The following ZFPM2 variants were observed in gnomAD, a reference collection of about 807,000 sequenced individuals.
The protein encoded by ZFPM2 is zinc finger protein ZFPM2.
ZFPM2 carries 20 observed loss-of-function variants against 98.6 expected under a neutral mutation model. The observed-to-expected ratio is 0.20, with a 90% confidence interval of 0.14 to 0.29. ZFPM2 has a LOEUF of 0.29. ZFPM2 is among the 10% of genes least tolerant of loss of function. The probability of loss-of-function intolerance (pLI) is 1.00; values close to 1 mark genes in which losing one functional copy is unlikely to be tolerated. For synonymous variants in ZFPM2, 518 were observed against 502.7 expected, an observed-to-expected ratio of 1.03 and a Z score of -0.41; for missense variants, 1,310 against 1,388.6, an observed-to-expected ratio of 0.94 and a Z score of 0.90.
intron 3 of ZFPM2, among the ~76,000 whole-genome samples, chr8:105,512,759 A>G (rs1422617508): frequency 6.6e-6 from 1 of 152,216 alleles, no homozygotes; most frequent in Non-Finnish European, 1.5e-5. Flanking sequence ...TGGTCAAATA[A>G]CTGTATCTTT....
At chr8:105,408,922 G>T (rs1811521414) in intron 1 of ZFPM2, among the ~76,000 whole-genome samples, 1 of 151,862 alleles carries the variant, frequency 6.6e-6, no homozygotes, top group Non-Finnish European at 1.5e-5. Flanking sequence ...CACGTATGTG[G>T]GTTAACAATG....
chr8:105,498,195 C>G (rs1825073), intron 3 of ZFPM2, among the ~76,000 whole-genome samples: 6,828 of 151,994 alleles, frequency 0.045, 531 homozygotes, highest in African/African-American at 0.16. Flanking sequence ...GACCCCATCT[C>G]CAAAACAAGA....
At chr8:105,740,030 G>T (rs1812176772) in intron 5 of ZFPM2, among the ~76,000 whole-genome samples, 3 of 151,868 alleles carry the variant, frequency 2.0e-5, no homozygotes, top group Non-Finnish European at 2.9e-5. Flanking sequence ...TCAGGCTAAT[G>T]GGACTTAGGA....
intron 3 of ZFPM2, among the ~76,000 whole-genome samples, chr8:105,462,447 G>C (rs1477143973): frequency 6.6e-6 from 1 of 152,120 alleles, no homozygotes; most frequent in Admixed American, 6.6e-5. Context: ...AGAGACTAAG[G>C]TTACAAGTCA....
chr8:105,471,766 G>A (rs969264140), intron 3 of ZFPM2, among the ~76,000 whole-genome samples: 7 of 152,046 alleles, frequency 4.6e-5, no homozygotes, highest in African/African-American at 1.7e-4. Context: ...TCCATTTATT[G>A]CTAAGAATTT....
intron 5 of ZFPM2, among the ~76,000 whole-genome samples, chr8:105,736,069 TTAA>T (rs1351975690): frequency 6.6e-6 from 1 of 152,028 alleles, no homozygotes; most frequent in African/African-American, 2.4e-5. Context: ...TGCGATAGTA[TTAA>T]TGTTTAAACA....
chr8:105,585,398 A>C (rs1448445939), intron 4 of ZFPM2, among the ~76,000 whole-genome samples: 1 of 152,174 alleles, frequency 6.6e-6, no homozygotes, highest in African/African-American at 2.4e-5. Context: ...TCCCTGAATC[A>C]CTTCAACCTT....
intron 3 of ZFPM2, among the ~76,000 whole-genome samples, chr8:105,512,387 A>G (rs1813835583): frequency 6.6e-6 from 1 of 152,230 alleles, no homozygotes; most frequent in African/African-American, 2.4e-5. Context: ...TACCCCCAAC[A>G]GACTTACTAG....
rs376319435 is a variant in ZFPM2 at position 105,781,697 on chromosome 8, G to C, written c.533-7021G>C. On this transcript the variant is annotated intron_variant, in intron 5 of 7. Transcript: ENST00000407775. ...GTGACTGCCACTGCACTCCAGCCTG[G>C]GTGACAGAGTGAGACCCTATCTTAA... Among the ~76,000 whole-genome samples the C allele has an allele frequency of 3.5e-4, 54 of 152,132 alleles. 1 individual carries two copies. Among genetic ancestry groups the C allele is most frequent in the African/African-American group, 1.3e-3 (53 of 41,504 alleles).
At chr8:105,555,099 A>G (rs1814955512) in intron 3 of ZFPM2, among the ~76,000 whole-genome samples, 1 of 151,714 alleles carries the variant, frequency 6.6e-6, no homozygotes, top group South Asian at 2.1e-4. Flanking sequence ...TTTTTAAGTT[A>G]AGCTATCATA....
rs1425296332 is a variant in ZFPM2 at position 105,716,142 on chromosome 8, TTACATATA to T, written c.533-72567_533-72560del. On this transcript the variant is annotated intron_variant, in intron 5 of 7. Coordinates refer to ENST00000407775, the MANE Select transcript of ZFPM2 (RefSeq NM_012082.4). ...GTTTAGTGGACATTCTTTGTTTTAT[TTACATATA>T]TACATATAAAACATTTATATATAAA... Among the ~76,000 whole-genome samples the T allele has an allele frequency of 3.3e-5, 5 of 150,630 alleles. No homozygotes were observed. The Admixed American group carries it at 3.3e-4, about 10-fold the overall frequency.
intron 2 of ZFPM2, among the ~76,000 whole-genome samples, chr8:105,432,769 T>C (rs1237626451): frequency 1.3e-5 from 2 of 152,190 alleles, no homozygotes; most frequent in Non-Finnish European, 2.9e-5. Context: ...TATTTAAATA[T>C]AAGCTTTGAA....
chr8:105,500,175 A>G (rs1303365172), intron 3 of ZFPM2, among the ~76,000 whole-genome samples: 2 of 152,180 alleles, frequency 1.3e-5, no homozygotes, highest in Non-Finnish European at 2.9e-5. Flanking sequence ...TGATAATTTA[A>G]TGATTTCTCC....
At chr8:105,649,406 C>T (rs1200853194) in intron 5 of ZFPM2, among the ~76,000 whole-genome samples, 1 of 152,128 alleles carries the variant, frequency 6.6e-6, no homozygotes, top group Non-Finnish European at 1.5e-5. Flanking sequence ...GCCAGAACTT[C>T]CAACACTATG....
In ZFPM2 at chr8:105,637,920, T is replaced by C. The variant is rs1816879134; in HGVS notation, c.532+3563T>C. Among the ~76,000 whole-genome samples the C allele has an allele frequency of 2.0e-5, 3 of 152,082 alleles. No individual in the cohort carries two copies. In the South Asian group the frequency reaches 6.2e-4, roughly 32 times the overall value. On this transcript the variant is annotated intron_variant, in intron 5 of 7. Coordinates refer to ENST00000407775, the MANE Select transcript of ZFPM2 (RefSeq NM_012082.4). The stretch of plus-strand genomic sequence containing the variant: ...TTGGGCCTCTTTTGTTTTCAAGTGG[T>C]GGAATTCTAACTGAAATTAGCTTCT...
intron 3 of ZFPM2, among the ~76,000 whole-genome samples, chr8:105,480,250 A>T (rs562822665): frequency 1.8e-4 from 28 of 152,188 alleles, no homozygotes; most frequent in Non-Finnish European, 3.4e-4. Flanking sequence ...GCTTGAAAGA[A>T]AAGAGCAGCA....
chr8:105,777,341 T>C (rs1376358182), intron 5 of ZFPM2, among the ~76,000 whole-genome samples: 1 of 152,214 alleles, frequency 6.6e-6, no homozygotes, highest in Non-Finnish European at 1.5e-5. Context: ...TATAATCAAG[T>C]TAATGAAGGA....
At chr8:105,542,592 G>A (rs1814601877) in intron 3 of ZFPM2, among the ~76,000 whole-genome samples, 2 of 152,146 alleles carry the variant, frequency 1.3e-5, no homozygotes, top group South Asian at 4.1e-4. Flanking sequence ...CAGCGTTCAT[G>A]GGCTAGCTGA....
chr8:105,803,388 T>A lies in ZFPM2; in HGVS notation c.3306T>A (p.Ser1102=). The A allele has an allele frequency of 6.2e-7, 1 of 1,613,840 alleles. No individual in the cohort carries two copies. The highest frequency in any genetic ancestry group is 2.2e-5 in the East Asian group (1 of 44,858). ...TTCCCTCAGCAGAGGAACAGTTGTCTAGTATAGCAAAAGGTGTGAATGGTT... is the reference window on the plus strand; with the variant it reads ...TTCCCTCAGCAGAGGAACAGTTGTCAAGTATAGCAAAAGGTGTGAATGGTT... ...PGIPSAEEQL[S]SIAKGVNGSS... Residue 1102 remains serine, a synonymous_variant, in exon 8 of 8, where the codon TCT becomes TCA. Coordinates refer to ENST00000407775, the MANE Select transcript of ZFPM2 (RefSeq NM_012082.4).
Sources: allele counts gnomAD v4.1 joint callset (sites outside exome capture counted in the v4.1 genomes callset), GRCh38; gene constraint gnomAD v4.1.1; transcripts MANE v1.5; gene names NCBI Gene and HGNC (gene_info 2026-07-23, HGNC 2026-07-21).